The following EXOC6B variants were observed in gnomAD, a reference collection of about 807,000 sequenced individuals.
EXOC6B encodes exocyst complex component 6B, also known as SEC15 homolog B.
In EXOC6B, 54 loss-of-function variants were observed where a neutral mutation model predicts 113.5. The observed-to-expected ratio is 0.48, with a 90% CI of 0.38 to 0.60. The LOEUF (loss-of-function observed/expected upper bound fraction) is 0.60, where lower values mean the gene tolerates loss of function less well. Ranked by LOEUF, EXOC6B falls within the 20% of genes least tolerant of loss-of-function variation. The probability of loss-of-function intolerance (pLI) is 0.00; values close to 1 mark genes in which losing one functional copy is unlikely to be tolerated. For synonymous variants in EXOC6B, 357 were observed against 339.0 expected (o/e 1.05, Z -0.58); for missense variants, 797 against 977.5 (o/e 0.82, Z 2.46).
At chr2:72,782,222 C>T (rs1033505397) in intron 1 of EXOC6B, among the ~76,000 whole-genome samples, 16 of 151,878 alleles carry the variant, frequency 1.1e-4, no homozygotes, top group Admixed American at 3.3e-4. Flanking sequence ...TTTTCTTGAC[C>T]GTTTCTTGTT....
rs1687124413 is a variant in EXOC6B, at chr2:72,310,550, A to C, written c.2196+24397T>G. Among the ~76,000 whole-genome samples, 5 of 152,256 alleles carry C rather than the reference A, an allele frequency of 3.3e-5. No homozygotes were observed. The South Asian group carries it at 1.0e-3, about 32-fold the overall frequency. ...TGGACAGAAGTCTCTTACCAGTTTT[A>C]TGATGTACAAAGATTATTTCCCATT... On this transcript the variant is annotated intron_variant, in intron 20 of 21. Transcript: ENST00000272427.
In EXOC6B at chr2:72,559,465, T is replaced by C. The variant is rs749909522; in HGVS notation, c.903A>G (p.Ile301Met). 2.5e-6 allele frequency: 4 copies of C among 1,612,104 alleles called. No individual in the cohort carries two copies. The highest frequency in any genetic ancestry group is 3.4e-6 in the Non-Finnish European group (4 of 1,179,104). Residue 301 changes from isoleucine to methionine, a missense_variant, in exon 8 of 22, where the codon ATA (isoleucine) becomes ATG (methionine). By Grantham distance (10) the Ile-to-Met change is conservative. Coordinates refer to ENST00000272427, the MANE Select transcript of EXOC6B (RefSeq NM_015189.3). Reference protein sequence around the residue: ...DFSPVYRCLHIYSVLGARETF... With the variant: ...DFSPVYRCLHMYSVLGARETF... ...GATAAAGACTCACCAGGACAGAATA[T>C]ATATGTAGACATCGATAAACTGGAG...
At chr2:72,642,955 G>A (rs1459919186) in intron 6 of EXOC6B, among the ~76,000 whole-genome samples, 1 of 150,084 alleles carries the variant, frequency 6.7e-6, no homozygotes, top group Non-Finnish European at 1.5e-5. Context: ...GTGGGCAAAG[G>A]ACATGAACAG....
At chr2:72,482,711 C>T (rs1699176562) in intron 16 of EXOC6B, among the ~76,000 whole-genome samples, 1 of 152,112 alleles carries the variant, frequency 6.6e-6, no homozygotes, top group Non-Finnish European at 1.5e-5. Context: ...CTACATCATC[C>T]AGCACAGGAT....
chr2:72,590,157 G>A (rs562329575), intron 6 of EXOC6B, among the ~76,000 whole-genome samples: 2 of 152,076 alleles, frequency 1.3e-5, no homozygotes, highest in African/African-American at 4.8e-5. Context: ...TTGCTAATGA[G>A]ATGAAGGATG....
chr2:72,226,973 A>G (rs1389166096), intron 20 of EXOC6B, among the ~76,000 whole-genome samples: 2 of 152,238 alleles, frequency 1.3e-5, no homozygotes, highest in Non-Finnish European at 2.9e-5. Flanking sequence ...AATGGAATTG[A>G]CAACCACTAT....
intron 8 of EXOC6B, among the ~76,000 whole-genome samples, chr2:72,541,992 T>G (rs1702630899): frequency 6.6e-6 from 1 of 152,202 alleles, no homozygotes; most frequent in Non-Finnish European, 1.5e-5. Flanking sequence ...TTTCACACTG[T>G]AAAAAGTATA....
intron 18 of EXOC6B, among the ~76,000 whole-genome samples, chr2:72,448,269 T>A (rs545634317): frequency 6.6e-6 from 1 of 152,312 alleles, no homozygotes; most frequent in East Asian, 1.9e-4. Context: ...GCTACCAAAC[T>A]GTTATATAAT....
At chr2:72,344,375 T>G (rs1306184812) in intron 19 of EXOC6B, among the ~76,000 whole-genome samples, 1 of 152,164 alleles carries the variant, frequency 6.6e-6, no homozygotes, top group African/African-American at 2.4e-5. Flanking sequence ...TTGAACATCT[T>G]TATGAGAGTT....
Position 72,397,625 on chromosome 2 carries a change from AAAAAT to A in EXOC6B, c.1981-17760_1981-17756del, listed in dbSNP as rs1553396399. Among the ~76,000 whole-genome samples the A allele has an allele frequency of 5.9e-4, 61 of 104,170 alleles. 2 individuals carry two copies. The highest frequency in any genetic ancestry group is 2.4e-3 in the African/African-American group (30 of 12,720). The allele number at this position is 104,170 out of a possible 152,430, so 68.3% of individuals were successfully genotyped here. A position where few individuals can be genotyped will look rare whatever the true frequency, so the allele number is the denominator to read the frequency against. Reference sequence around the variant, plus strand: ...CAGGTGAAACCTCATCTCAAAAAAAAAAAATAAAATAAAATAAAATAAAATAAAAT... The same window carrying A: ...CAGGTGAAACCTCATCTCAAAAAAAAAAAATAAAATAAAATAAAATAAAAT... On this transcript the variant is annotated intron_variant, in intron 18 of 21. Coordinates refer to ENST00000272427, the MANE Select transcript of EXOC6B (RefSeq NM_015189.3).
At chr2:72,614,624 A>G (rs1671279940) in intron 6 of EXOC6B, among the ~76,000 whole-genome samples, 1 of 152,204 alleles carries the variant, frequency 6.6e-6, no homozygotes, top group African/African-American at 2.4e-5. Flanking sequence ...TTATATTTCT[A>G]GTAATGGAGA....
At chr2:72,805,868 T>C (rs1685552936) in intron 1 of EXOC6B, among the ~76,000 whole-genome samples, 1 of 152,200 alleles carries the variant, frequency 6.6e-6, no homozygotes, top group East Asian at 1.9e-4. Flanking sequence ...CACATATAAG[T>C]GAGATCATGT....
intron 18 of EXOC6B, among the ~76,000 whole-genome samples, chr2:72,445,505 C>A (rs992023086): frequency 4.6e-5 from 7 of 152,040 alleles, no homozygotes; most frequent in African/African-American, 1.7e-4. Context: ...ATACCCGAGA[C>A]TAGAGAATTT....
chr2:72,310,872 C>CAA (rs1687145528), intron 20 of EXOC6B, among the ~76,000 whole-genome samples: 4 of 138,966 alleles, frequency 2.9e-5, no homozygotes, highest in Non-Finnish European at 4.5e-5. Flanking sequence ...CACACACACA[C>CAA]ACACACACAC....
chr2:72,514,576 CAATAAATAAATA>C (rs59422959), intron 10 of EXOC6B, 46 bp downstream of exon 10: 36 of 222,960 alleles, frequency 1.6e-4, no homozygotes, highest in Admixed American at 8.3e-4. Flanking sequence ...GTATAAATTT[CAATAAATAAATA>C]AATAAATAAA....
chr2:72,543,217 C>A (rs866027937), intron 8 of EXOC6B, among the ~76,000 whole-genome samples: 30 of 151,970 alleles, frequency 2.0e-4, no homozygotes, highest in African/African-American at 7.0e-4. Context: ...AGGCTAAGGA[C>A]AGAATATGGA....
chr2:72,347,237 C>T (rs1306213570), intron 19 of EXOC6B, among the ~76,000 whole-genome samples: 1 of 152,142 alleles, frequency 6.6e-6, no homozygotes, highest in Non-Finnish European at 1.5e-5. Context: ...AGCAGTGCTT[C>T]TGTGCATAAT....
chr2:72,823,740 C>T (rs1356838179), intron 1 of EXOC6B, among the ~76,000 whole-genome samples: 1 of 151,462 alleles, frequency 6.6e-6, no homozygotes, highest in African/African-American at 2.4e-5. Flanking sequence ...ACGATTGTGC[C>T]ACTGCACTCT....
At chr2:72,662,002 G>A (rs1675049215) in intron 6 of EXOC6B, among the ~76,000 whole-genome samples, 2 of 147,778 alleles carry the variant, frequency 1.4e-5, no homozygotes, top group African/African-American at 5.0e-5. Flanking sequence ...TGGAACAATT[G>A]GAAAAGAAAG....
Sources: gnomAD v4.1 joint callset for allele counts (sites outside exome capture counted in the v4.1 genomes callset) on GRCh38, gnomAD v4.1.1 for gene constraint, MANE v1.5 for transcripts, NCBI Gene and HGNC (gene_info 2026-07-23, HGNC 2026-07-21) for gene names.